The following SLIT2 variants were observed in gnomAD, a reference collection of about 807,000 sequenced individuals.
The protein encoded by SLIT2 is slit guidance ligand 2, also known as slit homolog 2 protein.
SLIT2 carries 41 observed loss-of-function variants against 185.7 expected under a neutral mutation model. The observed-to-expected ratio is 0.22, with a 90% CI of 0.17 to 0.29. The LOEUF (loss-of-function observed/expected upper bound fraction) is 0.29, where lower values mean the gene tolerates loss of function less well. Ranked by LOEUF, SLIT2 falls within the 10% of genes least tolerant of loss-of-function variation. The pLI is 1.00. For missense variants in SLIT2, 1,571 were observed against 1,909.0 expected (o/e 0.82, Z 3.30); for synonymous variants, 693 against 680.2 (o/e 1.02, Z -0.29).
intron 3 of SLIT2, among the ~76,000 whole-genome samples, chr4:20,261,493 C>T (rs1712468226): frequency 1.3e-5 from 2 of 151,704 alleles, no homozygotes; most frequent in Non-Finnish European, 2.9e-5. Flanking sequence ...ATGCTGTGGG[C>T]TTGTGTAAAA....
At chr4:20,446,109 C>T (rs899776194) in intron 4 of SLIT2, among the ~76,000 whole-genome samples, 9 of 152,108 alleles carry the variant, frequency 5.9e-5, no homozygotes, top group African/African-American at 1.7e-4. Flanking sequence ...CCCTTAACTA[C>T]GGGTTAATTC....
At chr4:20,562,898 AG>A (rs1473142810) in intron 26 of SLIT2, among the ~76,000 whole-genome samples, 5 of 151,690 alleles carry the variant, frequency 3.3e-5, no homozygotes, top group South Asian at 2.1e-4. Flanking sequence ...CATGTTTCCA[AG>A]GGATGCCAGA....
chr4:20,287,155 G>A (rs941821211), intron 4 of SLIT2, among the ~76,000 whole-genome samples: 3 of 152,114 alleles, frequency 2.0e-5, no homozygotes, highest in Non-Finnish European at 4.4e-5. Context: ...CTTCAGGAGT[G>A]ACTCAAGGAA....
At chr4:20,612,918 C>CAA (rs33919601) in intron 34 of SLIT2, among the ~76,000 whole-genome samples, 38,255 of 120,230 alleles carry the variant, frequency 0.32, 6,385 homozygotes, top group East Asian at 0.48. Context: ...ACTCCATCTC[C>CAA]AAAAAAAAAA....
At position 20,467,732 on chromosome 4, in the gene SLIT2, TTTG is replaced by T. The variant is rs573490842; in HGVS notation, c.396-8_396-6del. 369 of 1,491,388 alleles carry T rather than the reference TTTG, an allele frequency of 2.5e-4. 1 individual carries two copies. In the South Asian group the frequency reaches 3.6e-3, roughly 15 times the overall value. 92.4% of individuals were successfully genotyped at this position (1,491,388 alleles called of 1,614,324 possible). A position where few individuals can be genotyped will look rare whatever the true frequency, so the allele number is the denominator to read the frequency against. On this transcript the variant is annotated splice_polypyrimidine_tract_variant and intron_variant, in intron 4 of 36. Transcript: ENST00000504154. ...AATAATATTTTCTAACGTGATCCTTTTTGTTGTTGTTGTTTTTAGTGATCTCAG... is the reference window on the plus strand; with the variant it reads ...AATAATATTTTCTAACGTGATCCTTTTTGTTGTTGTTTTTAGTGATCTCAG...
At chr4:20,540,050 C>T (rs1258413936) in intron 19 of SLIT2, among the ~76,000 whole-genome samples, 3 of 43,764 alleles carry the variant, frequency 6.9e-5, no homozygotes, top group South Asian at 8.4e-4. Context: ...GAGGTTGAGG[C>T]GGGCGGATTA....
chr4:20,264,635 C>T (rs1421240597), intron 3 of SLIT2, among the ~76,000 whole-genome samples: 1 of 151,878 alleles, frequency 6.6e-6, no homozygotes, highest in Non-Finnish European at 1.5e-5. Flanking sequence ...TACGTTCAGG[C>T]TGCCCTTCAA....
intron 4 of SLIT2, among the ~76,000 whole-genome samples, chr4:20,319,739 C>T (rs1000518604): frequency 3.3e-5 from 5 of 151,538 alleles, no homozygotes; most frequent in Non-Finnish European, 7.4e-5. Flanking sequence ...ATCGTTTTCT[C>T]AGGACTCTTC....
At chr4:20,578,523 TTACAAGTTACAGTAGGAA>T (rs1335519004) in intron 29 of SLIT2, among the ~76,000 whole-genome samples, 1 of 152,202 alleles carries the variant, frequency 6.6e-6, no homozygotes, top group East Asian at 1.9e-4. Context: ...AAACAGTTTG[TTACAAGTTACAGTAGGAA>T]TAAAAATGGG....
At chr4:20,380,736 A>AC (rs1452960057) in intron 4 of SLIT2, among the ~76,000 whole-genome samples, 1 of 152,188 alleles carries the variant, frequency 6.6e-6, no homozygotes, top group Non-Finnish European at 1.5e-5. Flanking sequence ...AGAAAAAAGT[A>AC]CTGAAAAGAA....
At chr4:20,326,845 T>C (rs1012149631) in intron 4 of SLIT2, among the ~76,000 whole-genome samples, 3 of 151,576 alleles carry the variant, frequency 2.0e-5, no homozygotes, top group Non-Finnish European at 4.4e-5. Context: ...TTTTCCTTTT[T>C]TTATTTTCCC....
chr4:20,399,804 G>A (rs767058843), intron 4 of SLIT2, among the ~76,000 whole-genome samples: 3 of 151,714 alleles, frequency 2.0e-5, no homozygotes, highest in Non-Finnish European at 2.9e-5. Flanking sequence ...TTACTGAAGA[G>A]CTATAGTAAA....
chr4:20,504,478 G>A (rs729918), intron 9 of SLIT2, among the ~76,000 whole-genome samples: 65,657 of 151,952 alleles, frequency 0.43, 14,697 homozygotes, highest in African/African-American at 0.56. Flanking sequence ...TTGTGTTTCT[G>A]AGGCAGTCCC....
intron 4 of SLIT2, among the ~76,000 whole-genome samples, chr4:20,450,417 T>G (rs777544708): frequency 2.0e-5 from 3 of 152,192 alleles, no homozygotes; most frequent in Non-Finnish European, 2.9e-5. Flanking sequence ...TCCATTCCAT[T>G]TTATTCCACA....
chr4:20,322,606 G>T (rs1719195629), intron 4 of SLIT2, among the ~76,000 whole-genome samples: 1 of 151,822 alleles, frequency 6.6e-6, no homozygotes, highest in Non-Finnish European at 1.5e-5. Context: ...TCACTTCCAT[G>T]AATCTCTTCT....
At chr4:20,317,179 A>C (rs970739573) in intron 4 of SLIT2, among the ~76,000 whole-genome samples, 8 of 152,028 alleles carry the variant, frequency 5.3e-5, no homozygotes, top group Admixed American at 5.2e-4. Context: ...AACATGCTAC[A>C]ATTCATGAGA....
Position 20,491,966 on chromosome 4 carries a change from G to A in SLIT2, c.914+67G>A, listed in dbSNP as rs1717824082. 6 of 1,534,486 alleles carry A rather than the reference G, an allele frequency of 3.9e-6. No individual in the cohort carries two copies. The South Asian group carries it at 6.0e-5, about 15-fold the overall frequency. The stretch of plus-strand genomic sequence containing the variant: ...TGAACCAAACTTTGATTTTCTTTGG[G>A]AAATTCTGAGTTTATCGAAGGCACA... On this transcript the variant is annotated intron_variant, in intron 9 of 36. Coordinates refer to ENST00000504154, the MANE Select transcript of SLIT2 (RefSeq NM_004787.4).
At chr4:20,549,274 T>A (rs1019025094) in intron 24 of SLIT2, 146 bp downstream of exon 24, 2 of 563,072 alleles carry the variant, frequency 3.6e-6, no homozygotes, top group African/African-American at 3.8e-5. Context: ...AATAGAAAAA[T>A]CATTTCTTAC....
rs534709562 is a variant in SLIT2, at chr4:20,381,136, G to T, written c.396-86616G>T. Among the ~76,000 whole-genome samples the T allele has an allele frequency of 5.7e-4, 87 of 152,012 alleles. No individual in the cohort carries two copies. The South Asian group carries it at 0.015, about 25-fold the overall frequency. ...GAGAGTGGTGGTAACGCCTGTAATC[G>T]TAGCTACTCGAGAGGCTGATGCAAG... On this transcript the variant is annotated intron_variant, in intron 4 of 36. Transcript: ENST00000504154.
Sources: allele counts gnomAD v4.1 joint callset (sites outside exome capture counted in the v4.1 genomes callset), GRCh38; gene constraint gnomAD v4.1.1; transcripts MANE v1.5; gene names NCBI Gene and HGNC (gene_info 2026-07-23, HGNC 2026-07-21).